Variants in TRPC7 observed in about 807,000 individuals in gnomAD.
TRPC7 encodes transient receptor potential cation channel subfamily C member 7, also known as short transient receptor potential channel 7.
TRPC7 carries 42 observed loss-of-function variants against 90.1 expected under a neutral mutation model. That is an observed-to-expected ratio of 0.47 (90% CI 0.36 to 0.60). TRPC7 has a LOEUF of 0.60. TRPC7 is among the 20% of genes least tolerant of loss of function. The pLI is 0.00. For synonymous variants in TRPC7, 451 were observed against 436.3 expected (o/e 1.03, Z -0.42); for missense variants, 955 against 1,112.3 (o/e 0.86, Z 2.01).
In TRPC7 at chr5:136,213,612, G is replaced by T; in HGVS notation, c.2420-8C>A. 6.2e-7 allele frequency: 1 copy of T among 1,613,620 alleles called. No individual in the cohort carries two copies. Among genetic ancestry groups the T allele is most frequent in the Non-Finnish European group, 8.5e-7 (1 of 1,179,794 alleles). The stretch of plus-strand genomic sequence containing the variant: ...TGATTTCCTTCAGCTCGCCTGCAAG[G>T]ACAGAGGAGATTTTGCTGAGTCTGA... On this transcript the variant is annotated splice_region_variant and splice_polypyrimidine_tract_variant and intron_variant, in intron 11 of 11. Coordinates refer to ENST00000513104, the MANE Select transcript of TRPC7 (RefSeq NM_020389.3).
At chr5:136,361,627 GT>G (rs944563743) in intron 1 of TRPC7, among the ~76,000 whole-genome samples, 2 of 152,144 alleles carry the variant, frequency 1.3e-5, no homozygotes, top group Non-Finnish European at 2.9e-5. Context: ...AGAGATATTT[GT>G]TGTCTCTTTT....
chr5:136,226,626 G>T (rs10223216), intron 8 of TRPC7, among the ~76,000 whole-genome samples: 68,003 of 151,996 alleles, frequency 0.45, 15,239 homozygotes, highest in East Asian at 0.54. Context: ...TGATTCACCA[G>T]CCACCACAGC....
chr5:136,312,539 C>A (rs1758867289), intron 3 of TRPC7, among the ~76,000 whole-genome samples: 1 of 152,152 alleles, frequency 6.6e-6, no homozygotes, highest in East Asian at 1.9e-4. Flanking sequence ...GTCCATTCTG[C>A]AAATGGGGAA....
Position 136,357,061 on chromosome 5 carries a change from C to A in TRPC7, c.327G>T (p.Ala109=), listed in dbSNP as rs565674033. ...AGCCCTTGCTGATGGCCAGCAGCAG[C>A]GCGTCCCCCACCCGTGCCAGGTTCT... ...KKENLARVGD[A]LLLAISKGYV... Residue 109 remains alanine (A), a synonymous_variant, in exon 2 of 12, where the codon GCG becomes GCT. Coordinates refer to ENST00000513104, the MANE Select transcript of TRPC7 (RefSeq NM_020389.3). 6.2e-7 allele frequency: 1 copy of A among 1,613,590 alleles called. No individual in the cohort carries two copies. The highest frequency in any genetic ancestry group is 1.7e-5 in the Admixed American group (1 of 60,008).
intron 5 of TRPC7, among the ~76,000 whole-genome samples, chr5:136,252,466 T>G (rs905292189): frequency 6.6e-6 from 1 of 152,172 alleles, no homozygotes; most frequent in Non-Finnish European, 1.5e-5. Context: ...CATAACTTAT[T>G]GGATTTTAAA....
chr5:136,311,694 G>A (rs1455704312), intron 3 of TRPC7, among the ~76,000 whole-genome samples: 1 of 152,224 alleles, frequency 6.6e-6, no homozygotes, highest in East Asian at 1.9e-4. Context: ...TGCTGGAGGG[G>A]TGGTTTTCTT....
chr5:136,217,483 C>T (rs1310955865), intron 10 of TRPC7, among the ~76,000 whole-genome samples: 1 of 152,176 alleles, frequency 6.6e-6, no homozygotes, highest in African/African-American at 2.4e-5. Context: ...TAGGATAACA[C>T]TGGGTTTAGC....
intron 2 of TRPC7, among the ~76,000 whole-genome samples, chr5:136,327,798 A>G (rs1294388210): frequency 7.2e-5 from 11 of 152,216 alleles, no homozygotes; most frequent in Non-Finnish European, 4.4e-5. Context: ...TGGCTAACAC[A>G]GGACTTAGAA....
chr5:136,218,242 A>C (rs1335169881), intron 10 of TRPC7, among the ~76,000 whole-genome samples: 1 of 149,896 alleles, frequency 6.7e-6, no homozygotes, highest in Non-Finnish European at 1.5e-5. Flanking sequence ...TTTCCATGAG[A>C]CTCAGTAATG....
intron 7 of TRPC7, among the ~76,000 whole-genome samples, chr5:136,245,948 C>T (rs1174518462): frequency 6.6e-6 from 1 of 152,174 alleles, no homozygotes; most frequent in African/African-American, 2.4e-5. Flanking sequence ...AGGTCTTCCA[C>T]ACTCTTCCAC....
At chr5:136,251,549 T>C in intron 6 of TRPC7, 100 bp downstream of exon 6, 3 of 974,950 alleles carry the variant, frequency 3.1e-6, no homozygotes, top group Non-Finnish European at 4.6e-6. Flanking sequence ...ATGGGCCACT[T>C]GATTACAAAT....
chr5:136,295,938 A>G (rs1758154091), intron 3 of TRPC7, among the ~76,000 whole-genome samples: 1 of 152,218 alleles, frequency 6.6e-6, no homozygotes, highest in East Asian at 1.9e-4. Context: ...TTTCCTGTAT[A>G]CGCCATCAAA....
intron 7 of TRPC7, among the ~76,000 whole-genome samples, chr5:136,242,876 C>A (rs1756214231): frequency 6.6e-6 from 1 of 152,184 alleles, no homozygotes; most frequent in African/African-American, 2.4e-5. Flanking sequence ...AAAACCACTG[C>A]TCTGTTAAGG....
At chr5:136,283,245 G>A (rs950947417) in intron 3 of TRPC7, among the ~76,000 whole-genome samples, 1 of 152,222 alleles carries the variant, frequency 6.6e-6, no homozygotes, top group African/African-American at 2.4e-5. Context: ...TGCCTCCTTG[G>A]TGTGTGGGGT....
At chr5:136,323,139 A>G (rs1284083499) in intron 2 of TRPC7, among the ~76,000 whole-genome samples, 7 of 152,138 alleles carry the variant, frequency 4.6e-5, no homozygotes, top group Non-Finnish European at 1.0e-4. Context: ...GTCTTACAAG[A>G]GCTGATGATT....
chr5:136,274,605 G>T, intron 4 of TRPC7, 68 bp downstream of exon 4: 1 of 1,381,106 alleles, frequency 7.2e-7, no homozygotes, highest in Non-Finnish European at 9.4e-7. Context: ...GAACAAAATG[G>T]ATTTCAGATC....
chr5:136,259,639 T>C (rs549540511), intron 5 of TRPC7, among the ~76,000 whole-genome samples: 1 of 152,312 alleles, frequency 6.6e-6, no homozygotes, highest in Non-Finnish European at 1.5e-5. Context: ...AAAAAACTTA[T>C]TATAAGCTTG....
intron 10 of TRPC7, among the ~76,000 whole-genome samples, chr5:136,224,715 C>T (rs548838503): frequency 6.9e-4 from 105 of 152,240 alleles, no homozygotes; most frequent in African/African-American, 2.5e-3. Context: ...ACAATTTCAT[C>T]ATCTCCCCTC....
intron 3 of TRPC7, among the ~76,000 whole-genome samples, chr5:136,302,604 TC>T (rs1385119560): frequency 6.6e-6 from 1 of 152,134 alleles, no homozygotes; most frequent in Non-Finnish European, 1.5e-5. Flanking sequence ...TAGCCTGTGT[TC>T]TTAAGAACTT....
Sources: allele counts gnomAD v4.1 joint callset (sites outside exome capture counted in the v4.1 genomes callset), GRCh38; gene constraint gnomAD v4.1.1; transcripts MANE v1.5; gene names NCBI Gene and HGNC (gene_info 2026-07-23, HGNC 2026-07-21).